MANBA: variants seen among roughly 807,000 people sequenced by gnomAD.
The protein encoded by MANBA is beta-mannosidase.
A neutral mutation model predicts 111.1 loss-of-function variants in MANBA; 83 were observed. That is an observed-to-expected ratio of 0.75 (90% CI 0.63 to 0.90). The LOEUF is 0.90. Ranked by LOEUF, MANBA falls within the 40% of genes least tolerant of loss-of-function variation. The pLI is 0.00. For synonymous variants in MANBA, 370 were observed against 378.7 expected, an observed-to-expected ratio of 0.98 and a Z score of 0.27; for missense variants, 1,036 against 1,069.0, an observed-to-expected ratio of 0.97 and a Z score of 0.43.
intron 7 of MANBA, among the ~76,000 whole-genome samples, chr4:102,685,003 T>C (rs1406467042): frequency 6.6e-6 from 1 of 152,150 alleles, no homozygotes; most frequent in African/African-American, 2.4e-5. Flanking sequence ...AAAAACATAA[T>C]GCTGAGCCAA....
intron 11 of MANBA, among the ~76,000 whole-genome samples, chr4:102,664,033 A>C (rs1415091890): frequency 6.6e-6 from 1 of 152,226 alleles, no homozygotes; most frequent in Non-Finnish European, 1.5e-5. Flanking sequence ...CTACTACTTT[A>C]ACACATACGA....
intron 1 of MANBA, among the ~76,000 whole-genome samples, chr4:102,745,636 A>G (rs1473717689): frequency 6.6e-6 from 1 of 152,190 alleles, no homozygotes; most frequent in Admixed American, 6.5e-5. Flanking sequence ...TCTTTTATCC[A>G]TATTTCAGCT....
intron 1 of MANBA, among the ~76,000 whole-genome samples, chr4:102,760,517 G>A (rs897691489): frequency 6.6e-6 from 1 of 152,146 alleles, no homozygotes; most frequent in African/African-American, 2.4e-5. Flanking sequence ...GTCCCAACAT[G>A]GGTCGGTCGC....
At chr4:102,720,403 C>G (rs939971901) in intron 4 of MANBA, among the ~76,000 whole-genome samples, 1 of 147,750 alleles carries the variant, frequency 6.8e-6, no homozygotes, top group African/African-American at 2.5e-5. Context: ...CCACTGCACT[C>G]CAGCCTGGGC....
At chr4:102,733,683 C>G (rs1723109066) in intron 1 of MANBA, among the ~76,000 whole-genome samples, 1 of 152,188 alleles carries the variant, frequency 6.6e-6, no homozygotes, top group Admixed American at 6.5e-5. Flanking sequence ...TTTACCCTTT[C>G]TAGAAAAGTA....
At chr4:102,758,922 A>G (rs1437431979) in intron 1 of MANBA, among the ~76,000 whole-genome samples, 2 of 151,484 alleles carry the variant, frequency 1.3e-5, no homozygotes, top group African/African-American at 4.9e-5. Flanking sequence ...CCTGATTGAA[A>G]CCTCAAGGTT....
chr4:102,669,341 G>C (rs1731383136), intron 9 of MANBA, among the ~76,000 whole-genome samples: 1 of 152,200 alleles, frequency 6.6e-6, no homozygotes, highest in African/African-American at 2.4e-5. Flanking sequence ...AGGGGACACA[G>C]AATGAGGCTT....
intron 1 of MANBA, among the ~76,000 whole-genome samples, chr4:102,735,985 C>T (rs1723201896): frequency 6.6e-6 from 1 of 152,142 alleles, no homozygotes; most frequent in African/African-American, 2.4e-5. Flanking sequence ...ACTACAATGC[C>T]TCATGCTACA....
At chr4:102,714,667 C>T in intron 4 of MANBA, 106 bp from the exon 5 acceptor site, 15 of 1,081,832 alleles carry the variant, frequency 1.4e-5, no homozygotes, top group Non-Finnish European at 2.1e-5. Flanking sequence ...TATAAGTTTG[C>T]TATGGCAGCC....
intron 4 of MANBA, among the ~76,000 whole-genome samples, chr4:102,720,865 T>G (rs1294815866): frequency 2.0e-5 from 3 of 152,174 alleles, no homozygotes; most frequent in Non-Finnish European, 4.4e-5. Context: ...GAGGTATAAT[T>G]TTAATCCTAG....
At chr4:102,638,101 G>A (rs746415439) in intron 14 of MANBA, among the ~76,000 whole-genome samples, 3 of 152,156 alleles carry the variant, frequency 2.0e-5, no homozygotes, top group African/African-American at 4.8e-5. Flanking sequence ...CTTCTGTGTG[G>A]ATTGTTGTTG....
intron 13 of MANBA, among the ~76,000 whole-genome samples, chr4:102,650,295 G>T (rs1476361508): frequency 6.6e-6 from 1 of 152,170 alleles, no homozygotes; most frequent in Non-Finnish European, 1.5e-5. Context: ...TTGAAGTAGA[G>T]AATATTTTCA....
chr4:102,673,781 G>A lies in MANBA; in HGVS notation c.1112+138C>T, dbSNP rs227277. The A allele has an allele frequency of 0.53, 404,776 of 770,402 alleles. 107,707 individuals are homozygous for A. Among genetic ancestry groups the A allele is most frequent in the South Asian group, 0.56 (34,009 of 60,552 alleles). The allele number at this position is 770,402 out of a possible 1,614,324, so 47.7% of individuals were successfully genotyped here. Reference sequence around the variant, plus strand: ...TAATTTTTAAAATCCTGTCCATTCTGAAGTTTCCATCGTCTAGAATTCTAT... The same window carrying A: ...TAATTTTTAAAATCCTGTCCATTCTAAAGTTTCCATCGTCTAGAATTCTAT... On this transcript the variant is annotated intron_variant, in intron 8 of 16. Coordinates refer to ENST00000647097, the MANE Select transcript of MANBA (RefSeq NM_005908.4).
intron 1 of MANBA, chr4:102,734,651 G>T: frequency 7.0e-7 from 1 of 1,438,708 alleles, no homozygotes; most frequent in South Asian, 1.2e-5. Flanking sequence ...GGCAGGGAGA[G>T]GGCCTTGGGG....
chr4:102,726,466 C>CAAACA lies in MANBA; in HGVS notation c.272+118_272+122dup, dbSNP rs149166963. The CAAACA allele has an allele frequency of 0.019, 11,944 of 644,450 alleles. 830 individuals are homozygous for CAAACA. The highest frequency in any genetic ancestry group is 0.17 in the African/African-American group (9,135 of 53,340). 39.9% of individuals were successfully genotyped at this position (644,450 alleles called of 1,614,324 possible). A position where few individuals can be genotyped will look rare whatever the true frequency, so the allele number is the denominator to read the frequency against. The stretch of plus-strand genomic sequence containing the variant: ...TTAACTCTCAGATATGTAACCTAAA[C>CAAACA]AAACAAAACAAAACAAAACATACAA... On this transcript the variant is annotated intron_variant, in intron 2 of 16. Coordinates refer to ENST00000647097, the MANE Select transcript of MANBA (RefSeq NM_005908.4).
Position 102,742,605 on chromosome 4 carries a change from C to T in MANBA, c.178-15922G>A, listed in dbSNP as rs190811660. Among the ~76,000 whole-genome samples, 1,293 of 152,210 alleles carry T rather than the reference C, an allele frequency of 8.5e-3. 25 individuals carry two copies. The highest frequency in any genetic ancestry group is 0.029 in the African/African-American group (1,223 of 41,510). ...GTAAGACCAGTGAATTCCATGAGCA[C>T]GAGCCCACTGCCACACTTCTTTAGC... On this transcript the variant is annotated intron_variant, in intron 1 of 16. Transcript: ENST00000647097.
At chr4:102,733,343 C>T (rs900429221) in intron 1 of MANBA, among the ~76,000 whole-genome samples, 8 of 150,378 alleles carry the variant, frequency 5.3e-5, no homozygotes, top group Non-Finnish European at 1.2e-4. Context: ...AGGAAGTCCT[C>T]TCTGCATTTT....
At chr4:102,724,788 A>T (rs1722731806) in intron 2 of MANBA, among the ~76,000 whole-genome samples, 2 of 148,976 alleles carry the variant, frequency 1.3e-5, no homozygotes, top group African/African-American at 5.2e-5. Context: ...AAGTGCTATC[A>T]GAGTTTATCT....
In MANBA at chr4:102,634,943, C is replaced by G; in HGVS notation, c.2260G>C (p.Val754Leu). 6.2e-7 allele frequency: 1 copy of G among 1,614,266 alleles called. No homozygotes were observed. Among genetic ancestry groups the G allele is most frequent in the Non-Finnish European group, 8.5e-7 (1 of 1,180,050 alleles). Residue 754 changes from valine to leucine, a missense_variant, in exon 16 of 17, where the codon GTG becomes CTG. Val to Leu is a conservative substitution (Grantham distance 32). Transcript: ENST00000647097. ...CCACATCTCCTCAGCAATTCAGACACTGGCTCCTCATAAAGGCAGACAGCC... is the reference window on the plus strand; with the variant it reads ...CCACATCTCCTCAGCAATTCAGACAGTGGCTCCTCATAAAGGCAGACAGCC... ...GEAVCLYEEP[V>L]SELLRRCGNC... is the part of the protein sequence containing the mutation.
Sources: allele counts gnomAD v4.1 joint callset (sites outside exome capture counted in the v4.1 genomes callset), GRCh38; gene constraint gnomAD v4.1.1; transcripts MANE v1.5; gene names NCBI Gene and HGNC (gene_info 2026-07-23, HGNC 2026-07-21).